The following ARID5B variants were observed in gnomAD, a reference collection of about 807,000 sequenced individuals.
ARID5B encodes AT-rich interaction domain 5B, also known as AT-rich interactive domain-containing protein 5B.
In ARID5B, 13 loss-of-function variants were observed where a neutral mutation model predicts 97.2. The ratio of observed to expected loss-of-function variants is 0.13; its 90% CI spans 0.09 to 0.21. ARID5B has a LOEUF of 0.21. Ranked by LOEUF, ARID5B falls within the 10% of genes least tolerant of loss-of-function variation. The pLI is 1.00. For synonymous variants in ARID5B, 556 were observed against 570.3 expected, an observed-to-expected ratio of 0.97 and a Z score of 0.36; for missense variants, 1,210 against 1,465.3, an observed-to-expected ratio of 0.83 and a Z score of 2.84.
At chr10:61,966,781 T>C (rs568919781) in intron 3 of ARID5B, among the ~76,000 whole-genome samples, 9 of 152,312 alleles carry the variant, frequency 5.9e-5, no homozygotes, top group Admixed American at 1.3e-4. Flanking sequence ...CCTGGTGCTT[T>C]CAACCTGGAG....
intron 9 of ARID5B, among the ~76,000 whole-genome samples, chr10:62,086,709 A>AAAAAAAAAAAAAAAAAAAC (rs778821864): frequency 2.6e-5 from 3 of 114,040 alleles, no homozygotes; most frequent in African/African-American, 6.4e-5. Flanking sequence ...AAAAAAAAAA[A>AAAAAAAAAAAAAAAAAAAC]AAATATCAGG....
intron 4 of ARID5B, among the ~76,000 whole-genome samples, chr10:62,044,992 T>C (rs1839687512): frequency 6.6e-6 from 1 of 152,190 alleles, no homozygotes; most frequent in Non-Finnish European, 1.5e-5. Context: ...ATTCAAACAA[T>C]TGAATAGAAA....
intron 5 of ARID5B, among the ~76,000 whole-genome samples, chr10:62,052,592 A>G (rs1839804314): frequency 6.6e-6 from 1 of 152,214 alleles, no homozygotes; most frequent in African/African-American, 2.4e-5. Flanking sequence ...AACTCATACA[A>G]TTGATCTGAA....
At chr10:62,045,310 G>A (rs958719974) in intron 4 of ARID5B, among the ~76,000 whole-genome samples, 8 of 152,180 alleles carry the variant, frequency 5.3e-5, no homozygotes, top group African/African-American at 1.9e-4. Flanking sequence ...TTCTATTTTT[G>A]TTGTAATGAA....
chr10:62,056,318 C>G (rs10995020), intron 5 of ARID5B, among the ~76,000 whole-genome samples: 50,831 of 151,914 alleles, frequency 0.33, 8,798 homozygotes, highest in East Asian at 0.48. Flanking sequence ...TCTTTTGTGG[C>G]AAGTTAACAT....
intron 3 of ARID5B, among the ~76,000 whole-genome samples, chr10:61,954,454 T>G (rs1380081596): frequency 6.6e-6 from 1 of 152,194 alleles, no homozygotes. Flanking sequence ...ACAGACCTGC[T>G]TTTTACTTCC....
chr10:61,952,549 C>T (rs1382386278), intron 3 of ARID5B, among the ~76,000 whole-genome samples: 1 of 152,188 alleles, frequency 6.6e-6, no homozygotes, highest in African/African-American at 2.4e-5. Context: ...CTTTTATGAT[C>T]AGACTTTCCT....
intron 3 of ARID5B, among the ~76,000 whole-genome samples, chr10:61,998,306 G>C (rs770244757): frequency 6.6e-6 from 1 of 152,114 alleles, no homozygotes; most frequent in Admixed American, 6.6e-5. Flanking sequence ...TGATAATGTC[G>C]GTATCCTTAA....
At position 62,015,496 on chromosome 10, in the gene ARID5B, C is replaced by T. The variant is rs182161737; in HGVS notation, c.733+15175C>T. On this transcript the variant is annotated intron_variant, in intron 4 of 9. Transcript: ENST00000279873. ...TTAAATAATGATTATGAGAATCTGA[C>T]TTGAGCTCAATGGGACTTTTGTCAA... 4.0e-4 allele frequency among the ~76,000 whole-genome samples: 61 copies of T among 152,346 alleles called. No homozygotes were observed. The East Asian group carries it at 0.011, about 27-fold the overall frequency.
At chr10:61,998,246 A>T (rs984562135) in intron 3 of ARID5B, among the ~76,000 whole-genome samples, 2 of 152,236 alleles carry the variant, frequency 1.3e-5, no homozygotes, top group Non-Finnish European at 2.9e-5. Context: ...ATGTTCCATC[A>T]TTATGTTCCG....
At chr10:62,018,520 T>C (rs1396129149) in intron 4 of ARID5B, among the ~76,000 whole-genome samples, 1 of 151,696 alleles carries the variant, frequency 6.6e-6, no homozygotes, top group Non-Finnish European at 1.5e-5. Context: ...AAAGACTGGG[T>C]GGGTGCCAGA....
chr10:62,061,220 ACAGGTAAAGTACTTAC>A (rs1839917488), intron 7 of ARID5B, among the ~76,000 whole-genome samples: 1 of 152,202 alleles, frequency 6.6e-6, no homozygotes, highest in Non-Finnish European at 1.5e-5. Context: ...AGTGCCCTAC[ACAGGTAAAGTACTTAC>A]TCACGTAGAG....
intron 4 of ARID5B, among the ~76,000 whole-genome samples, chr10:62,019,746 T>C (rs991976432): frequency 6.6e-6 from 1 of 152,224 alleles, no homozygotes; most frequent in African/African-American, 2.4e-5. Flanking sequence ...CCCAACCATT[T>C]AGGAGCTTGT....
At chr10:61,999,386 A>T (rs77545132) in intron 3 of ARID5B, among the ~76,000 whole-genome samples, 5,870 of 152,310 alleles carry the variant, frequency 0.039, 185 homozygotes, top group Middle Eastern at 0.075. Context: ...TACTGAACAC[A>T]TAGCTTTCCT....
chr10:62,048,530 T>C (rs1326254272), intron 4 of ARID5B, among the ~76,000 whole-genome samples: 2 of 152,252 alleles, frequency 1.3e-5, no homozygotes, highest in African/African-American at 4.8e-5. Flanking sequence ...GCTTTTTCTC[T>C]TGATCAAATC....
chr10:61,912,858 T>C (rs1162714948), intron 2 of ARID5B, among the ~76,000 whole-genome samples: 2 of 152,128 alleles, frequency 1.3e-5, no homozygotes, highest in Non-Finnish European at 1.5e-5. Context: ...CCCTAAGCTC[T>C]CCAACGGAAG....
intron 3 of ARID5B, among the ~76,000 whole-genome samples, chr10:61,987,055 G>A (rs565217000): frequency 1.7e-4 from 26 of 152,332 alleles, no homozygotes; most frequent in Admixed American, 9.8e-4. Context: ...GAAAGCTGCC[G>A]TCAGGGTGGA....
intron 4 of ARID5B, among the ~76,000 whole-genome samples, chr10:62,039,251 G>A (rs939961754): frequency 3.9e-5 from 6 of 152,108 alleles, no homozygotes; most frequent in African/African-American, 9.7e-5. Context: ...GGTTGAAACC[G>A]CCCAATCATT....
chr10:62,069,673 T>C (rs1304586665), intron 7 of ARID5B, 27 bp from the exon 8 acceptor site: 9 of 1,593,160 alleles, frequency 5.6e-6, no homozygotes, highest in Non-Finnish European at 7.8e-6. Context: ...TGATGTAAGA[T>C]TGAATTTCCC....
Sources: gnomAD v4.1 joint callset for allele counts (sites outside exome capture counted in the v4.1 genomes callset) on GRCh38, gnomAD v4.1.1 for gene constraint, MANE v1.5 for transcripts, NCBI Gene and HGNC (gene_info 2026-07-23, HGNC 2026-07-21) for gene names.